Variants in CDH12 observed in about 807,000 individuals in gnomAD.
CDH12 encodes cadherin-12.
CDH12 carries 41 observed loss-of-function variants against 74.1 expected under a neutral mutation model. That is an observed-to-expected ratio of 0.55 (90% CI 0.43 to 0.72). The LOEUF is 0.72. Among genes scored for constraint, CDH12 ranks in the 30% least tolerant of loss-of-function variants. The pLI, the probability that CDH12 is intolerant of heterozygous loss-of-function variation, is 0.00. For missense variants in CDH12, 945 were observed against 977.2 expected, an observed-to-expected ratio of 0.97 and a Z score of 0.44; for synonymous variants, 399 against 355.0, an observed-to-expected ratio of 1.12 and a Z score of -1.39.
At chr5:21,979,880 T>C (rs532694370) in intron 5 of CDH12, among the ~76,000 whole-genome samples, 5 of 152,092 alleles carry the variant, frequency 3.3e-5, no homozygotes, top group African/African-American at 4.8e-5. Flanking sequence ...CCACAATGGT[T>C]GAACTAGTTT....
rs1747149519 is a variant in CDH12, at chr5:21,802,184, T to C, written c.1239A>G (p.Val413=). 1 of 1,613,608 alleles carries C rather than the reference T, an allele frequency of 6.2e-7. No individual in the cohort carries two copies. Among genetic ancestry groups the C allele is most frequent in the Non-Finnish European group, 8.5e-7 (1 of 1,179,766 alleles). Residue 413 remains valine, a synonymous_variant, in exon 10 of 15, where the codon GTA becomes GTG. Transcript: ENST00000382254. ...TTTCTCACCTAACAGCACTGCTGCC[T>C]ACATCCAGGTCTTGAGCAGTGACAG... ...IGAVTAQDLD[V]GSSAVRYFID...
intron 3 of CDH12, among the ~76,000 whole-genome samples, chr5:22,388,013 A>G (rs2126407991): frequency 6.6e-6 from 1 of 152,276 alleles, no homozygotes; most frequent in East Asian, 1.9e-4. Flanking sequence ...TTGTAGAAAT[A>G]ATACTGTCCA....
rs190628578 is a variant in CDH12, at chr5:22,377,372, C to T, written c.-333+27885G>A. 9.0e-4 allele frequency among the ~76,000 whole-genome samples: 137 copies of T among 152,256 alleles called. 1 individual carries two copies. Among genetic ancestry groups the T allele is most frequent in the African/African-American group, 3.2e-3 (133 of 41,554 alleles). ...ACTAGCTCAACAAGGTCGCCAATGA[C>T]GCAGGTTCTCCATACCCTGTCATGA... is the stretch of plus-strand genomic sequence containing the variant. On this transcript the variant is annotated intron_variant, in intron 3 of 14. Transcript: ENST00000382254.
chr5:21,962,825 T>C (rs1756420741), intron 6 of CDH12, among the ~76,000 whole-genome samples: 1 of 152,156 alleles, frequency 6.6e-6, no homozygotes, highest in Non-Finnish European at 1.5e-5. Context: ...CAGTAAAATA[T>C]CTTCCCTGTG....
chr5:22,119,526 G>T (rs1300887990), intron 4 of CDH12, among the ~76,000 whole-genome samples: 1 of 151,988 alleles, frequency 6.6e-6, no homozygotes, highest in African/African-American at 2.4e-5. Context: ...CTAACTTCAG[G>T]TGATCTGCCC....
At chr5:22,187,165 CATATGAG>C (rs1332006752) in intron 4 of CDH12, among the ~76,000 whole-genome samples, 1 of 152,164 alleles carries the variant, frequency 6.6e-6, no homozygotes, top group Non-Finnish European at 1.5e-5. Flanking sequence ...CACACGAGCA[CATATGAG>C]GTCCCCTAGG....
chr5:22,066,231 G>A (rs545058877), intron 5 of CDH12, among the ~76,000 whole-genome samples: 144 of 152,164 alleles, frequency 9.5e-4, no homozygotes, highest in Admixed American at 1.6e-3. Flanking sequence ...GTTCTTTAGC[G>A]GTGATTTGTG....
chr5:22,122,175 G>T (rs954238201), intron 4 of CDH12, among the ~76,000 whole-genome samples: 2 of 152,116 alleles, frequency 1.3e-5, no homozygotes, highest in Non-Finnish European at 2.9e-5. Flanking sequence ...GGCCTAGGTG[G>T]GTGAATCACC....
intron 2 of CDH12, among the ~76,000 whole-genome samples, chr5:22,437,900 A>G (rs1369423967): frequency 6.6e-6 from 1 of 152,094 alleles, no homozygotes; most frequent in African/African-American, 2.4e-5. Flanking sequence ...TTTGTTAAAC[A>G]TAGCTTTTCC....
At chr5:22,461,388 T>A (rs1442419514) in intron 2 of CDH12, among the ~76,000 whole-genome samples, 1 of 150,836 alleles carries the variant, frequency 6.6e-6, no homozygotes, top group Non-Finnish European at 1.5e-5. Flanking sequence ...GAGTAGAGAA[T>A]AATCATTTTA....
intron 3 of CDH12, among the ~76,000 whole-genome samples, chr5:22,282,111 A>C (rs752310918): frequency 1.3e-5 from 2 of 152,210 alleles, no homozygotes; most frequent in African/African-American, 4.8e-5. Flanking sequence ...CAACCATCTG[A>C]TCTTTGACAA....
At chr5:22,335,116 C>T (rs571382771) in intron 3 of CDH12, among the ~76,000 whole-genome samples, 85 of 152,152 alleles carry the variant, frequency 5.6e-4, no homozygotes, top group South Asian at 1.9e-3. Context: ...AGATTAATAA[C>T]GAGAATAAGG....
chr5:22,767,794 A>G (rs1233421170), intron 1 of CDH12, among the ~76,000 whole-genome samples: 4 of 152,026 alleles, frequency 2.6e-5, no homozygotes, highest in Admixed American at 2.6e-4. Flanking sequence ...GTTAAACAAA[A>G]TATTATTTTT....
chr5:22,094,062 T>C (rs956265006), intron 4 of CDH12, among the ~76,000 whole-genome samples: 10 of 152,184 alleles, frequency 6.6e-5, no homozygotes, highest in Non-Finnish European at 1.3e-4. Flanking sequence ...TAAAGTTTTA[T>C]AGAAACCATC....
At chr5:21,878,925 A>AAAAG (rs58667501) in intron 6 of CDH12, among the ~76,000 whole-genome samples, 78,379 of 148,498 alleles carry the variant, frequency 0.53, 21,617 homozygotes, top group East Asian at 0.7. Context: ...GGAAGAAAGA[A>AAAAG]AAAGAAAGAA....
chr5:21,990,145 T>C (rs1757685475), intron 5 of CDH12, among the ~76,000 whole-genome samples: 1 of 152,170 alleles, frequency 6.6e-6, no homozygotes, highest in Non-Finnish European at 1.5e-5. Flanking sequence ...AATCACACCA[T>C]ATTTAGTGAT....
chr5:21,878,392 G>A (rs529893079), intron 6 of CDH12, among the ~76,000 whole-genome samples: 18 of 151,984 alleles, frequency 1.2e-4, no homozygotes, highest in East Asian at 7.7e-4. Flanking sequence ...CTCCAAATAC[G>A]TTTATTAATG....
At chr5:22,565,522 C>T (rs1739244794) in intron 1 of CDH12, among the ~76,000 whole-genome samples, 1 of 152,176 alleles carries the variant, frequency 6.6e-6, no homozygotes, top group African/African-American at 2.4e-5. Flanking sequence ...CAGGAATTAG[C>T]TGTTCTCCAA....
intron 6 of CDH12, among the ~76,000 whole-genome samples, chr5:21,920,749 C>T (rs539475212): frequency 3.5e-4 from 53 of 151,864 alleles, no homozygotes; most frequent in Admixed American, 1.5e-3. Context: ...AGAGAAACAA[C>T]GTAACATCTT....
Sources: allele counts gnomAD v4.1 joint callset (sites outside exome capture counted in the v4.1 genomes callset), GRCh38; gene constraint gnomAD v4.1.1; transcripts MANE v1.5; gene names NCBI Gene and HGNC (gene_info 2026-07-23, HGNC 2026-07-21).